CCDC178: variants seen among roughly 807,000 people sequenced by gnomAD.
CCDC178 encodes coiled-coil domain-containing protein 178.
In CCDC178, 126 loss-of-function variants were observed where a neutral mutation model predicts 117.4. The ratio of observed to expected loss-of-function variants is 1.07; its 90% CI spans 0.93 to 1.24. CCDC178 has a LOEUF of 1.24. Among genes scored for constraint, CCDC178 ranks in the 50% most tolerant of loss-of-function variants. CCDC178 has a pLI of 0.00. For synonymous variants in CCDC178, 283 were observed against 313.4 expected (o/e 0.90, Z 1.02); for missense variants, 1,030 against 986.9 (o/e 1.04, Z -0.59).
intron 11 of CCDC178, among the ~76,000 whole-genome samples, chr18:33,314,200 CAAAAAAAAAA>C (rs869127341): frequency 8.0e-4 from 50 of 62,434 alleles, no homozygotes; most frequent in African/African-American, 2.2e-3. Flanking sequence ...GACTCCGTCT[CAAAAAAAAAA>C]AAAAAAAAAA....
intron 12 of CCDC178, among the ~76,000 whole-genome samples, chr18:33,268,798 A>T (rs1402482362): frequency 9.1e-5 from 12 of 131,990 alleles, no homozygotes; most frequent in East Asian, 5.1e-4. Flanking sequence ...TAAATGTAAT[A>T]AAAAAAACTG....
At chr18:33,035,700 T>C (rs919421535) in intron 21 of CCDC178, among the ~76,000 whole-genome samples, 14 of 151,992 alleles carry the variant, frequency 9.2e-5, no homozygotes, top group African/African-American at 2.9e-4. Context: ...TTGTATAGCA[T>C]GAATGGTGAT....
At chr18:32,938,357 G>A (rs2054166302) in intron 22 of CCDC178, 1 of 339,186 alleles carries the variant, frequency 2.9e-6, no homozygotes, top group African/African-American at 2.1e-5. Flanking sequence ...CTGCTTTAGA[G>A]ATTCTTTTAC....
At chr18:33,151,203 T>G (rs2058338048) in intron 20 of CCDC178, among the ~76,000 whole-genome samples, 1 of 152,070 alleles carries the variant, frequency 6.6e-6, no homozygotes, top group Admixed American at 6.5e-5. Flanking sequence ...AACTTATCCA[T>G]GTAACAAAAT....
Position 33,108,434 on chromosome 18 carries a change from T to C in CCDC178, c.2239-15524A>G, listed in dbSNP as rs2051444753. 3.3e-5 allele frequency among the ~76,000 whole-genome samples: 5 copies of C among 151,710 alleles called. No homozygotes were observed. In the South Asian group the frequency reaches 1.0e-3, roughly 31 times the overall value. The stretch of plus-strand genomic sequence containing the variant: ...TTCCCGACTGTATCTTTGGGAATTA[T>C]GATTGGCTTCTCTTGTAGCATGTGA... On this transcript the variant is annotated intron_variant, in intron 20 of 22. Coordinates refer to ENST00000383096, the MANE Select transcript of CCDC178 (RefSeq NM_001105528.4).
At chr18:32,938,721 C>T (rs1479087136) in intron 22 of CCDC178, among the ~76,000 whole-genome samples, 2 of 152,092 alleles carry the variant, frequency 1.3e-5, no homozygotes, top group African/African-American at 4.8e-5. Flanking sequence ...AGGATCCCCA[C>T]TGTTTTCTTC....
At chr18:33,025,799 T>C (rs2056216775) in intron 21 of CCDC178, among the ~76,000 whole-genome samples, 1 of 152,198 alleles carries the variant, frequency 6.6e-6, no homozygotes, top group Admixed American at 6.5e-5. Context: ...ACAATCGCTC[T>C]GAGAAACAGT....
chr18:33,262,136 A>C (rs961977325), intron 14 of CCDC178, among the ~76,000 whole-genome samples: 1 of 152,216 alleles, frequency 6.6e-6, no homozygotes, highest in South Asian at 2.1e-4. Context: ...GCCAATTGTT[A>C]TAATTTTTCC....
At chr18:33,119,644 A>G (rs1386009649) in intron 20 of CCDC178, among the ~76,000 whole-genome samples, 1 of 152,224 alleles carries the variant, frequency 6.6e-6, no homozygotes, top group East Asian at 1.9e-4. Context: ...TCAAGCATCT[A>G]GAACTAGAAA....
chr18:33,326,157 TG>T (rs2062581573), intron 10 of CCDC178, among the ~76,000 whole-genome samples: 1 of 152,174 alleles, frequency 6.6e-6, no homozygotes, highest in Non-Finnish European at 1.5e-5. Flanking sequence ...AGCAGCAAGC[TG>T]GAGCTATAGG....
At chr18:33,130,145 C>A (rs190848726) in intron 20 of CCDC178, among the ~76,000 whole-genome samples, 2 of 151,868 alleles carry the variant, frequency 1.3e-5, no homozygotes, top group Admixed American at 1.3e-4. Context: ...AGTGTAAAGT[C>A]ATTACCGAAG....
At chr18:33,334,624 T>A (rs576282004) in intron 9 of CCDC178, among the ~76,000 whole-genome samples, 2 of 152,036 alleles carry the variant, frequency 1.3e-5, no homozygotes, top group Non-Finnish European at 2.9e-5. Context: ...TTTTCTGCAT[T>A]TATACTTGTA....
chr18:33,425,371 A>G (rs1261794359), intron 2 of CCDC178, among the ~76,000 whole-genome samples: 13 of 152,232 alleles, frequency 8.5e-5, no homozygotes, highest in Admixed American at 6.5e-5. Flanking sequence ...CAGTCAATCC[A>G]TAAGAAAAAC....
intron 21 of CCDC178, among the ~76,000 whole-genome samples, chr18:33,084,364 C>T (rs1441306668): frequency 6.6e-6 from 1 of 152,098 alleles, no homozygotes; most frequent in African/African-American, 2.4e-5. Context: ...GTTTTATTGT[C>T]TTTTCCATCT....
intron 21 of CCDC178, among the ~76,000 whole-genome samples, chr18:33,029,993 T>A (rs1387674247): frequency 6.6e-6 from 1 of 152,066 alleles, no homozygotes; most frequent in East Asian, 1.9e-4. Context: ...GATCTTAGGT[T>A]AAAATGTTTT....
intron 18 of CCDC178, among the ~76,000 whole-genome samples, chr18:33,219,448 A>G (rs1301435157): frequency 6.6e-6 from 1 of 152,296 alleles, no homozygotes; most frequent in East Asian, 1.9e-4. Context: ...AGGATTATAA[A>G]TCATGGTGCT....
chr18:33,268,465 A>G (rs1377542195), intron 12 of CCDC178, among the ~76,000 whole-genome samples: 1 of 151,790 alleles, frequency 6.6e-6, no homozygotes, highest in Non-Finnish European at 1.5e-5. Context: ...ATATAATAAC[A>G]AAAGTAATGT....
chr18:33,154,904 G>A (rs2058377187), intron 20 of CCDC178, among the ~76,000 whole-genome samples: 1 of 151,998 alleles, frequency 6.6e-6, no homozygotes, highest in Non-Finnish European at 1.5e-5. Context: ...AAAGCCAACA[G>A]AACTAAACAA....
chr18:33,335,428 G>C (rs1410703909), intron 9 of CCDC178, among the ~76,000 whole-genome samples: 1 of 151,884 alleles, frequency 6.6e-6, no homozygotes, highest in Non-Finnish European at 1.5e-5. Flanking sequence ...TTGTTCCAAA[G>C]AGTCAGACAT....
Sources: allele counts gnomAD v4.1 joint callset (sites outside exome capture counted in the v4.1 genomes callset), GRCh38; gene constraint gnomAD v4.1.1; transcripts MANE v1.5; gene names NCBI Gene and HGNC (gene_info 2026-07-23, HGNC 2026-07-21).